GSE1: variants seen among roughly 807,000 people sequenced by gnomAD.
The protein encoded by GSE1 is genetic suppressor element 1.
Under a neutral mutation model 112.6 loss-of-function variants are expected in GSE1, and 32 were observed. The observed-to-expected ratio is 0.28, with a 90% CI of 0.21 to 0.38. GSE1 has a LOEUF of 0.38. GSE1 is among the 10% of genes least tolerant of loss of function. GSE1 has a pLI of 1.00. For missense variants in GSE1, 2,348 were observed against 1,699.2 expected, an observed-to-expected ratio of 1.38 and a Z score of -6.71; for synonymous variants, 1,115 against 735.6, an observed-to-expected ratio of 1.52 and a Z score of -8.35.
intron 1 of GSE1, among the ~76,000 whole-genome samples, chr16:85,345,752 G>C (rs143474028): frequency 6.6e-6 from 1 of 152,334 alleles, no homozygotes; most frequent in Non-Finnish European, 1.5e-5. Context: ...CAGCCAGAAT[G>C]TCAGCAGGGA....
chr16:85,398,817 G>A (rs2048025093), intron 2 of GSE1, among the ~76,000 whole-genome samples: 2 of 152,266 alleles, frequency 1.3e-5, no homozygotes, highest in Non-Finnish European at 2.9e-5. Context: ...CAGAGAATGT[G>A]TGTGGGTGCA....
intron 1 of GSE1, among the ~76,000 whole-genome samples, chr16:85,246,434 T>TACACACACACACACCCCACACGCTGC (rs1905790577): frequency 4.5e-5 from 2 of 44,458 alleles, no homozygotes; most frequent in Admixed American, 7.4e-4. Flanking sequence ...CCATGCTCTC[T>TACACACACACACACCCCACACGCTGC]ACACACACAC....
At chr16:85,402,777 C>A (rs2048146927) in intron 2 of GSE1, among the ~76,000 whole-genome samples, 1 of 151,940 alleles carries the variant, frequency 6.6e-6, no homozygotes, top group Non-Finnish European at 1.5e-5. Flanking sequence ...CAAAAGTTAT[C>A]CGGGTGTGGC....
chr16:85,674,562 A>T lies in GSE1; in HGVS notation c.*2023A>T, dbSNP rs1264985680. Reference sequence around the variant, plus strand: ...GAGGTTTCTGGTCTGAAGGCTTAAGAGTCACATCTTAGCACTTCCGCTCTC... The same window carrying T: ...GAGGTTTCTGGTCTGAAGGCTTAAGTGTCACATCTTAGCACTTCCGCTCTC... On this transcript the variant is annotated 3_prime_UTR_variant, in exon 16 of 16. Coordinates refer to ENST00000253458, the MANE Select transcript of GSE1 (RefSeq NM_014615.5). 1 of 152,244 alleles carries T rather than the reference A, an allele frequency of 6.6e-6. No individual in the cohort carries two copies. Among genetic ancestry groups the T allele is most frequent in the East Asian group, 1.9e-4 (1 of 5,200 alleles). 9.4% of individuals were successfully genotyped at this position (152,244 alleles called of 1,614,324 possible).
chr16:85,626,077 A>G (rs1302020578), intron 1 of GSE1, among the ~76,000 whole-genome samples: 1 of 152,046 alleles, frequency 6.6e-6, no homozygotes, highest in African/African-American at 2.4e-5. Flanking sequence ...TCTGGGGCAT[A>G]GACCTTGGGA....
chr16:85,503,097 G>C (rs1465249140), intron 2 of GSE1, among the ~76,000 whole-genome samples: 4 of 152,208 alleles, frequency 2.6e-5, no homozygotes, highest in Non-Finnish European at 5.9e-5. Context: ...CCCGGGCAGA[G>C]GGCACGGCCA....
chr16:85,667,165 C>T (rs530126639), intron 13 of GSE1, among the ~76,000 whole-genome samples: 58 of 152,370 alleles, frequency 3.8e-4, no homozygotes, highest in Middle Eastern at 3.4e-3. Flanking sequence ...CTTCAGAATA[C>T]CCTCCCTCCC....
At chr16:85,413,543 C>G (rs1180031212) in intron 2 of GSE1, among the ~76,000 whole-genome samples, 2 of 152,104 alleles carry the variant, frequency 1.3e-5, no homozygotes, top group Admixed American at 6.5e-5. Context: ...TCCAGACTTC[C>G]TTCAACCCAT....
chr16:85,178,321 G>A (rs373494814), intron 1 of GSE1, among the ~76,000 whole-genome samples: 7 of 152,110 alleles, frequency 4.6e-5, no homozygotes, highest in African/African-American at 1.7e-4. Flanking sequence ...TGGATGTTGG[G>A]GGGTAATGTG....
At chr16:85,236,097 C>T (rs772654975) in intron 1 of GSE1, among the ~76,000 whole-genome samples, 5 of 152,076 alleles carry the variant, frequency 3.3e-5, no homozygotes, top group African/African-American at 4.8e-5. Flanking sequence ...CCCTGGCTGC[C>T]TGTGTGGCTC....
At chr16:85,234,905 C>T (rs555884445) in intron 1 of GSE1, among the ~76,000 whole-genome samples, 39 of 152,224 alleles carry the variant, frequency 2.6e-4, no homozygotes, top group Non-Finnish European at 7.4e-5. Flanking sequence ...AGGCGGCTGC[C>T]GGCGCCTTTA....
At chr16:85,221,842 C>G (rs1046538576) in intron 1 of GSE1, among the ~76,000 whole-genome samples, 2 of 152,290 alleles carry the variant, frequency 1.3e-5, no homozygotes, top group African/African-American at 4.8e-5. Flanking sequence ...GGGCCAGAGC[C>G]CACGTCAGTC....
rs529664131 is a variant in GSE1, at chr16:85,249,303, G to A, written c.2283+77496G>A. 2.0e-5 allele frequency among the ~76,000 whole-genome samples: 3 copies of A among 152,364 alleles called. No homozygotes were observed. The East Asian group carries it at 5.8e-4, about 29-fold the overall frequency. ...ACTTGGCCCCTTCCCTAGGTCCCAT[G>A]GGGGATAGCGGGGACCCCTCGCAGA... On this transcript the variant is annotated intron_variant, in intron 1 of 2. Coordinates refer to the GSE1 transcript ENST00000637419.
At chr16:85,212,592 C>G (rs1405522418) in intron 1 of GSE1, among the ~76,000 whole-genome samples, 2 of 152,160 alleles carry the variant, frequency 1.3e-5, no homozygotes, top group African/African-American at 2.4e-5. Context: ...GAGACATCCA[C>G]CCTGCCCACA....
upstream of GSE1, among the ~76,000 whole-genome samples, chr16:85,553,645 C>G (rs2045049125): frequency 6.6e-6 from 1 of 152,090 alleles, no homozygotes; most frequent in Non-Finnish European, 1.5e-5. Flanking sequence ...AGCCACCGAG[C>G]TGCTGGCGGC....
At chr16:85,633,795 C>T (rs904923484) in intron 1 of GSE1, 119 bp from the exon 2 acceptor site, 13 of 690,924 alleles carry the variant, frequency 1.9e-5, no homozygotes, top group African/African-American at 1.1e-4. Context: ...CCTGCTGGAG[C>T]CCCCGGGGCT....
intron 3 of GSE1, among the ~76,000 whole-genome samples, chr16:85,651,413 C>T (rs1004284516): frequency 3.9e-5 from 6 of 152,084 alleles, no homozygotes; most frequent in Admixed American, 3.3e-4. Flanking sequence ...GCCCCCCAGC[C>T]CCCCGGACTC....
intron 1 of GSE1, among the ~76,000 whole-genome samples, chr16:85,184,388 C>T (rs1215238136): frequency 6.6e-6 from 1 of 152,202 alleles, no homozygotes; most frequent in Non-Finnish European, 1.5e-5. Flanking sequence ...GGGGAATCTG[C>T]AAAGTCATGT....
rs759424954 is a variant in GSE1, at chr16:85,657,389, C to T, written c.1425C>T (p.Phe475=). The change falls in exon 8 of 16, where the codon TTC becomes TTT. Residue 475 remains phenylalanine, a synonymous_variant. Transcript: ENST00000253458. The part of the protein sequence containing the change: ...VPSLISNHGI[F]SLPSSSAATA... ...GCCTCATCTCCAACCATGGCATCTT[C>T]TCTCTGCCTAGCAGCAGTGCTGCCA... 3.1e-6 allele frequency: 5 copies of T among 1,612,618 alleles called. No individual in the cohort carries two copies. The African/African-American group carries it at 4.0e-5, about 13-fold the overall frequency.
Sources: gnomAD v4.1 joint callset for allele counts (sites outside exome capture counted in the v4.1 genomes callset) on GRCh38, gnomAD v4.1.1 for gene constraint, MANE v1.5 for transcripts, NCBI Gene and HGNC (gene_info 2026-07-23, HGNC 2026-07-21) for gene names.